Variants in CTNNA3 observed in about 807,000 individuals in gnomAD.
The protein encoded by CTNNA3 is catenin alpha 3.
Under a neutral mutation model 95.7 loss-of-function variants are expected in CTNNA3, and 76 were observed. That is an observed-to-expected ratio of 0.79 (90% confidence interval 0.66 to 0.96). The LOEUF (loss-of-function observed/expected upper bound fraction) is 0.96. CTNNA3 is among the 40% of genes least tolerant of loss of function. CTNNA3 has a pLI of 0.00. For synonymous variants in CTNNA3, 431 were observed against 374.4 expected, an observed-to-expected ratio of 1.15 and a Z score of -1.74; for missense variants, 1,191 against 1,089.8, an observed-to-expected ratio of 1.09 and a Z score of -1.31.
At chr10:67,664,569 A>C (rs1274986083) in intron 1 of CTNNA3, among the ~76,000 whole-genome samples, 1 of 151,958 alleles carries the variant, frequency 6.6e-6, no homozygotes, top group African/African-American at 2.4e-5. Flanking sequence ...TGCTGCATTT[A>C]TTTTATTGTT....
intron 15 of CTNNA3, among the ~76,000 whole-genome samples, chr10:66,012,639 T>C (rs1001088162): frequency 2.6e-5 from 4 of 152,154 alleles, no homozygotes; most frequent in Non-Finnish European, 4.4e-5. Flanking sequence ...CCTATACCAT[T>C]ATAGAAACTA....
chr10:66,910,109 T>C, intron 7 of CTNNA3, among the ~76,000 whole-genome samples: 1 of 152,184 alleles, frequency 6.6e-6, no homozygotes, highest in South Asian at 2.1e-4. Context: ...ATACATCTTA[T>C]AGAAGATTTC....
intron 3 of CTNNA3, among the ~76,000 whole-genome samples, chr10:67,540,023 G>C (rs1482247200): frequency 6.6e-6 from 1 of 151,962 alleles, no homozygotes; most frequent in Non-Finnish European, 1.5e-5. Flanking sequence ...ATAAAAACAA[G>C]GTAAATCTTT....
At position 66,520,671 on chromosome 10, in the gene CTNNA3, G is replaced by C. The variant is rs759604856; in HGVS notation, c.1477C>G (p.Leu493Val). 2 of 1,610,448 alleles carry C rather than the reference G, an allele frequency of 1.2e-6. No individual in the cohort carries two copies. Among genetic ancestry groups the C allele is most frequent in the African/African-American group, 2.7e-5 (2 of 74,650 alleles). The change falls in exon 11 of 18, where the codon CTC (leucine) becomes GTC (valine). Residue 493 changes from leucine to valine, a missense_variant. Physicochemically the swap from Leu to Val is conservative, Grantham distance 32. Transcript: ENST00000433211. Reference protein sequence around the residue: ...KRTWENHIHVLTEAVDDITSI... With the variant: ...KRTWENHIHVVTEAVDDITSI... ...GTAATGTCATCTACGGCTTCAGTGA[G>C]GACATGTATATGATTCTCCCATGTA... is the stretch of plus-strand genomic sequence containing the variant.
chr10:66,323,394 A>G (rs1181866757), intron 12 of CTNNA3, among the ~76,000 whole-genome samples: 1 of 151,964 alleles, frequency 6.6e-6, no homozygotes, highest in African/African-American at 2.4e-5. Context: ...CTGTAATCCC[A>G]GCACTTTGAG....
At chr10:67,225,093 T>C (rs1485712149) in intron 5 of CTNNA3, among the ~76,000 whole-genome samples, 3 of 152,174 alleles carry the variant, frequency 2.0e-5, no homozygotes, top group Non-Finnish European at 1.5e-5. Flanking sequence ...AGGCCTGTGA[T>C]GGCCAGCTTT....
Position 65,927,658 on chromosome 10 carries a change from T to G in CTNNA3, c.2401-7041A>C, listed in dbSNP as rs1941993. On this transcript the variant is annotated intron_variant, in intron 17 of 17. Transcript: ENST00000433211. ...TTATTTTATTTATTGCTGAGAAGTA[T>G]TACATTTTATACATATACTGCAATT... Among the ~76,000 whole-genome samples, 535 of 152,196 alleles carry G rather than the reference T, an allele frequency of 3.5e-3. 5 individuals carry two copies. Among genetic ancestry groups the G allele is most frequent in the African/African-American group, 0.012 (490 of 41,536 alleles).
chr10:66,621,846 T>G, intron 9 of CTNNA3, 62 bp from the exon 10 acceptor site: 1 of 960,764 alleles, frequency 1.0e-6, no homozygotes, highest in Non-Finnish European at 1.6e-6. Flanking sequence ...CAGCAACACT[T>G]ATACTGAACA....
chr10:66,097,995 T>C (rs1420576885), intron 14 of CTNNA3: 1 of 152,050 alleles, frequency 6.6e-6, no homozygotes, highest in Non-Finnish European at 1.5e-5. Context: ...ACTTGCCCAA[T>C]ACTCCACTTC....
At chr10:66,412,705 C>T (rs889512560) in intron 11 of CTNNA3, among the ~76,000 whole-genome samples, 4 of 152,026 alleles carry the variant, frequency 2.6e-5, no homozygotes, top group East Asian at 3.9e-4. Context: ...GTGATCTGCC[C>T]GCTTCGGCCT....
intron 9 of CTNNA3, among the ~76,000 whole-genome samples, chr10:66,712,604 T>TCACACACACACACACACACACACACA (rs769408731): frequency 8.4e-5 from 12 of 143,478 alleles, no homozygotes; most frequent in Admixed American, 6.7e-4. Flanking sequence ...TCTCTCTCTC[T>TCACACACACACACACACACACACACA]CTCTCACACA....
intron 7 of CTNNA3, among the ~76,000 whole-genome samples, chr10:67,057,540 T>A (rs1014803510): frequency 6.6e-6 from 1 of 152,170 alleles, no homozygotes; most frequent in Non-Finnish European, 1.5e-5. Context: ...GTCTGGCTTA[T>A]TTCACTTAGT....
chr10:67,705,588 T>A (rs1303886733), intron 1 of CTNNA3, among the ~76,000 whole-genome samples: 2 of 129,306 alleles, frequency 1.5e-5, no homozygotes, highest in Admixed American at 9.4e-5. Context: ...TGAGAACACA[T>A]GGACACAGGA....
chr10:67,213,556 CCTAATA>C (rs1306319781), intron 6 of CTNNA3, among the ~76,000 whole-genome samples: 9 of 151,722 alleles, frequency 5.9e-5, no homozygotes, highest in Non-Finnish European at 8.9e-5. Flanking sequence ...TTTCTTCTTT[CCTAATA>C]TAAGCATGTA....
chr10:66,740,551 G>C (rs1325862488), intron 9 of CTNNA3, among the ~76,000 whole-genome samples: 2 of 152,168 alleles, frequency 1.3e-5, no homozygotes, highest in Non-Finnish European at 2.9e-5. Flanking sequence ...GCACATGGCA[G>C]TTCCATTTAA....
chr10:67,571,885 C>T (rs1018633548), intron 3 of CTNNA3, among the ~76,000 whole-genome samples: 1 of 152,106 alleles, frequency 6.6e-6, no homozygotes, highest in African/African-American at 2.4e-5. Context: ...AAAACCAATA[C>T]TTCATTCAGC....
intron 7 of CTNNA3, among the ~76,000 whole-genome samples, chr10:67,042,056 A>G (rs1041454216): frequency 5.3e-5 from 8 of 152,148 alleles, no homozygotes; most frequent in African/African-American, 1.7e-4. Context: ...GCTGAGAGAC[A>G]AAAAAAGGCC....
intron 17 of CTNNA3, among the ~76,000 whole-genome samples, chr10:65,961,152 T>C (rs759923591): frequency 6.6e-6 from 1 of 152,120 alleles, no homozygotes; most frequent in South Asian, 2.1e-4. Flanking sequence ...AATAAAAATG[T>C]TAACAAACAA....
intron 7 of CTNNA3, among the ~76,000 whole-genome samples, chr10:66,789,895 G>A (rs941256822): frequency 5.9e-5 from 9 of 152,114 alleles, no homozygotes; most frequent in Non-Finnish European, 4.4e-5. Flanking sequence ...AGAAAAGTAT[G>A]TATTTAAGAA....
Sources: allele counts gnomAD v4.1 joint callset (sites outside exome capture counted in the v4.1 genomes callset), GRCh38; gene constraint gnomAD v4.1.1; transcripts MANE v1.5; gene names NCBI Gene and HGNC (gene_info 2026-07-23, HGNC 2026-07-21).